Variants in TRPS1 observed in about 807,000 individuals in gnomAD.
The protein encoded by TRPS1 is transcriptional repressor GATA binding 1.
In TRPS1, 6 loss-of-function variants were observed where a neutral mutation model predicts 101.2. That is an observed-to-expected ratio of 0.06 (90% confidence interval 0.03 to 0.12). The LOEUF (loss-of-function observed/expected upper bound fraction) is 0.12, where lower values mean the gene tolerates loss of function less well. Among genes scored for constraint, TRPS1 ranks in the 10% least tolerant of loss-of-function variants. The pLI, the probability that TRPS1 is intolerant of heterozygous loss-of-function variation, is 1.00. For synonymous variants in TRPS1, 578 were observed against 589.8 expected, an observed-to-expected ratio of 0.98 and a Z score of 0.29; for missense variants, 1,363 against 1,567.0, an observed-to-expected ratio of 0.87 and a Z score of 2.20.
chr8:115,484,934 T>G (rs1814840661), intron 5 of TRPS1, among the ~76,000 whole-genome samples: 1 of 152,174 alleles, frequency 6.6e-6, no homozygotes, highest in Non-Finnish European at 1.5e-5. Flanking sequence ...CAGCTCCTTG[T>G]AGTAGGCAGA....
chr8:115,413,804 G>A lies in TRPS1; in HGVS notation c.*219C>T, dbSNP rs1812844658. ...ACTTAACAGGTTTTAAAAAGTGATT[G>A]TTTACCATCTTCCATTCTTTCTCAT... is the stretch of plus-strand genomic sequence containing the variant. On this transcript the variant is annotated 3_prime_UTR_variant, in exon 7 of 7. Coordinates refer to ENST00000395715, the MANE Select transcript of TRPS1 (RefSeq NM_014112.5). 2 of 561,442 alleles carry A rather than the reference G, an allele frequency of 3.6e-6. No individual in the cohort carries two copies. The highest frequency in any genetic ancestry group is 3.4e-5 in the Admixed American group (1 of 29,082). The allele number at this position is 561,442 out of a possible 1,614,324, so 34.8% of individuals were successfully genotyped here. A position where few individuals can be genotyped will look rare whatever the true frequency, so the allele number is the denominator to read the frequency against.
At chr8:115,440,227 T>C (rs532033959) in intron 5 of TRPS1, among the ~76,000 whole-genome samples, 4 of 152,250 alleles carry the variant, frequency 2.6e-5, no homozygotes, top group Non-Finnish European at 4.4e-5. Context: ...GAAAAACTTA[T>C]TCTGGAAGAA....
chr8:115,465,037 T>G (rs1460345048), intron 5 of TRPS1, among the ~76,000 whole-genome samples: 1 of 152,096 alleles, frequency 6.6e-6, no homozygotes, highest in Non-Finnish European at 1.5e-5. Flanking sequence ...CAATTTAGAT[T>G]GTTTATCAAA....
chr8:115,451,960 C>G (rs1235010394), intron 5 of TRPS1, among the ~76,000 whole-genome samples: 1 of 152,150 alleles, frequency 6.6e-6, no homozygotes, highest in Admixed American at 6.5e-5. Context: ...ACTCCTACTC[C>G]CTCCCCAACC....
At chr8:115,607,286 G>T (rs183623563) in intron 3 of TRPS1, among the ~76,000 whole-genome samples, 2 of 152,136 alleles carry the variant, frequency 1.3e-5, no homozygotes, top group African/African-American at 4.8e-5. Context: ...CCCAGGCTAC[G>T]AATCAATACT....
At chr8:115,447,968 T>C (rs1813778250) in intron 5 of TRPS1, among the ~76,000 whole-genome samples, 1 of 152,184 alleles carries the variant, frequency 6.6e-6, no homozygotes, top group Non-Finnish European at 1.5e-5. Flanking sequence ...TTAGTAAGCC[T>C]CTGATGTCTT....
chr8:115,440,382 T>C (rs895842367), intron 5 of TRPS1, among the ~76,000 whole-genome samples: 1 of 152,210 alleles, frequency 6.6e-6, no homozygotes, highest in Middle Eastern at 3.2e-3. Context: ...ATTCTTGCAT[T>C]TCATCTGAGA....
intron 5 of TRPS1, among the ~76,000 whole-genome samples, chr8:115,556,801 A>G (rs142106811): frequency 5.3e-4 from 80 of 152,312 alleles, no homozygotes; most frequent in African/African-American, 1.8e-3. Context: ...TATGATGCTA[A>G]GTATGCATGT....
intron 5 of TRPS1, among the ~76,000 whole-genome samples, chr8:115,478,998 C>G (rs1192561659): frequency 6.7e-6 from 1 of 149,740 alleles, no homozygotes; most frequent in Non-Finnish European, 1.5e-5. Context: ...TATGTATTTA[C>G]ATATTATTCA....
chr8:115,442,550 C>CGTGCGT (rs34273681), intron 5 of TRPS1, among the ~76,000 whole-genome samples: 18 of 145,102 alleles, frequency 1.2e-4, no homozygotes, highest in Admixed American at 2.8e-4. Flanking sequence ...AAGTATGGTG[C>CGTGCGT]GTGTGTGTGT....
rs1244340629 is a variant in TRPS1, at chr8:115,602,773, T to C, written c.2096+1100A>G. ...TAGTAAGTAAAGCTTTCTACTTTGA[T>C]GCTGAAAGGCATAATAATGAGAAAG... On this transcript the variant is annotated intron_variant, in intron 4 of 6. Coordinates refer to ENST00000395715, the MANE Select transcript of TRPS1 (RefSeq NM_014112.5). Among the ~76,000 whole-genome samples, 7 of 152,332 alleles carry C rather than the reference T, an allele frequency of 4.6e-5. No individual in the cohort carries two copies. The South Asian group carries it at 1.2e-3, about 27-fold the overall frequency.
At chr8:115,620,199 ATTCT>A in intron 2 of TRPS1, 139 bp from the exon 3 acceptor site, 4 of 800,222 alleles carry the variant, frequency 5.0e-6, no homozygotes, top group Non-Finnish European at 7.6e-6. Flanking sequence ...AAAAAAACCC[ATTCT>A]AAAAACAGCA....
At chr8:115,506,198 T>C (rs377476996) in intron 5 of TRPS1, among the ~76,000 whole-genome samples, 2 of 151,792 alleles carry the variant, frequency 1.3e-5, no homozygotes, top group South Asian at 4.1e-4. Context: ...TCATGAATAA[T>C]GTTAATGACC....
intron 5 of TRPS1, among the ~76,000 whole-genome samples, chr8:115,576,585 CA>C (rs1402933031): frequency 6.6e-6 from 1 of 152,054 alleles, no homozygotes; most frequent in African/African-American, 2.4e-5. Context: ...ATCTAGAACA[CA>C]AAGTCTCCTT....
chr8:115,599,667 C>T (rs752480048), intron 4 of TRPS1, among the ~76,000 whole-genome samples: 6 of 152,064 alleles, frequency 3.9e-5, no homozygotes, highest in Non-Finnish European at 7.4e-5. Flanking sequence ...GCAAAGGACA[C>T]CAACTCGTTT....
At chr8:115,495,825 C>G (rs1273688564) in intron 5 of TRPS1, among the ~76,000 whole-genome samples, 1 of 152,116 alleles carries the variant, frequency 6.6e-6, no homozygotes, top group African/African-American at 2.4e-5. Context: ...TCATACTGTT[C>G]AAACAAAATT....
chr8:115,429,825 T>G (rs1813276474), intron 5 of TRPS1, among the ~76,000 whole-genome samples: 1 of 152,164 alleles, frequency 6.6e-6, no homozygotes, highest in African/African-American at 2.4e-5. Flanking sequence ...ACTGAATTGG[T>G]CACACAATCT....
intron 1 of TRPS1, among the ~76,000 whole-genome samples, chr8:115,635,019 G>T (rs1818736070): frequency 6.6e-6 from 1 of 152,216 alleles, no homozygotes; most frequent in African/African-American, 2.4e-5. Flanking sequence ...ATGAACCCTG[G>T]CAGGTAATCC....
At chr8:115,492,454 G>A (rs1331533329) in intron 5 of TRPS1, among the ~76,000 whole-genome samples, 1 of 83,110 alleles carries the variant, frequency 1.2e-5, no homozygotes, top group Non-Finnish European at 2.2e-5. Context: ...TGGGTGCCAA[G>A]CACTGTGTGT....
Sources: gnomAD v4.1 joint callset for allele counts (sites outside exome capture counted in the v4.1 genomes callset) on GRCh38, gnomAD v4.1.1 for gene constraint, MANE v1.5 for transcripts, NCBI Gene and HGNC (gene_info 2026-07-23, HGNC 2026-07-21) for gene names.